The following PHTF2 variants were observed in gnomAD, a reference collection of about 807,000 sequenced individuals.
The protein encoded by PHTF2 is protein PHTF2.
PHTF2 carries 60 observed loss-of-function variants against 101.2 expected under a neutral mutation model. The ratio of observed to expected loss-of-function variants is 0.59; its 90% CI spans 0.48 to 0.73. The LOEUF (loss-of-function observed/expected upper bound fraction) is 0.73. Ranked by LOEUF, PHTF2 falls within the 30% of genes least tolerant of loss-of-function variation. PHTF2 has a pLI of 0.00. For missense variants in PHTF2, 747 were observed against 908.7 expected (o/e 0.82, Z 2.29); for synonymous variants, 311 against 307.3 (o/e 1.01, Z -0.13).
chr7:77,910,705 G>A (rs377247928), intron 9 of PHTF2, among the ~76,000 whole-genome samples: 3 of 151,862 alleles, frequency 2.0e-5, no homozygotes, highest in Admixed American at 6.6e-5. Context: ...GCAGTGGCAC[G>A]ATCTCGGCTC....
intron 11 of PHTF2, among the ~76,000 whole-genome samples, 163 bp from the exon 11 acceptor site, chr7:77,928,946 G>A (rs1476353134): frequency 6.6e-6 from 1 of 152,194 alleles, no homozygotes; most frequent in Non-Finnish European, 1.5e-5. Flanking sequence ...TTTTGTTACT[G>A]AATAAAAGCT....
At position 77,920,796 on chromosome 7, in the gene PHTF2, C is replaced by T. The variant is rs146668605; in HGVS notation, c.963+331C>T. Among the ~76,000 whole-genome samples the T allele has an allele frequency of 7.4e-3, 1,133 of 152,242 alleles. 18 individuals carry two copies. The highest frequency in any genetic ancestry group is 0.026 in the African/African-American group (1,065 of 41,544). ...TCCCAGGCACAAACGATCTTCCCAC[C>T]TCAGCCTCCTGAGTAGCTAGAACTA... On this transcript the variant is annotated intron_variant, in intron 10 of 19. Coordinates refer to ENST00000416283, the Ensembl canonical transcript of PHTF2.
intron 2 of PHTF2, among the ~76,000 whole-genome samples, chr7:77,845,490 A>ATG (rs1214749151): frequency 6.6e-6 from 1 of 152,226 alleles, no homozygotes; most frequent in African/African-American, 2.4e-5. Context: ...GCCTTTAAAT[A>ATG]TGAGCCAGCT....
chr7:77,918,104 A>G (rs912763309), intron 9 of PHTF2, among the ~76,000 whole-genome samples: 9 of 152,196 alleles, frequency 5.9e-5, no homozygotes, highest in African/African-American at 2.2e-4. Flanking sequence ...TTCACGTAGT[A>G]TTTACCCTGC....
At chr7:77,799,596 C>T (rs1792370371) in intron 1 of PHTF2, among the ~76,000 whole-genome samples, 2 of 152,230 alleles carry the variant, frequency 1.3e-5, no homozygotes, top group Admixed American at 1.3e-4. Context: ...TACCGTGCTC[C>T]ATCAGCATGC....
chr7:77,844,335 G>A (rs916602030), intron 2 of PHTF2, among the ~76,000 whole-genome samples: 1 of 152,096 alleles, frequency 6.6e-6, no homozygotes, highest in Non-Finnish European at 1.5e-5. Flanking sequence ...AGAAAATTGT[G>A]ACGTTTTTAT....
rs531721971 is a variant in PHTF2 at position 77,951,950 on chromosome 7, T to C, written c.2211+238T>C. Reference sequence around the variant, plus strand: ...TAATAATAATATGTCTGGAGTATTGTAGAGGTTGGCATCTTTGGAAATGTA... The same window carrying C: ...TAATAATAATATGTCTGGAGTATTGCAGAGGTTGGCATCTTTGGAAATGTA... On this transcript the variant is annotated intron_variant, in intron 18 of 19. Coordinates refer to ENST00000416283, the Ensembl canonical transcript of PHTF2. Among the ~76,000 whole-genome samples the C allele has an allele frequency of 4.6e-5, 7 of 152,202 alleles. No homozygotes were observed. The East Asian group carries it at 1.2e-3, about 25-fold the overall frequency.
intron 3 of PHTF2, among the ~76,000 whole-genome samples, chr7:77,857,082 A>G (rs1797242296): frequency 6.6e-6 from 1 of 152,218 alleles, no homozygotes; most frequent in South Asian, 2.1e-4. Context: ...GGTTAAGGCA[A>G]GGCCAGAGAT....
At position 77,924,843 on chromosome 7, in the gene PHTF2, G is replaced by A. The variant is rs1025797391; in HGVS notation, c.1119+2065G>A. ...CACCAAGGGAACTGGGGATGAGATG[G>A]GGATTTTGTCATTTAATGTGTAGAC... On this transcript the variant is annotated intron_variant, in intron 11 of 19. Transcript: ENST00000416283. 3.3e-5 allele frequency among the ~76,000 whole-genome samples: 5 copies of A among 152,170 alleles called. No homozygotes were observed. In the South Asian group the frequency reaches 1.0e-3, roughly 32 times the overall value.
intron 14 of PHTF2, 85 bp from the exon 14 acceptor site, chr7:77,940,443 A>G (rs1805549748): frequency 5.2e-6 from 7 of 1,337,742 alleles, no homozygotes; most frequent in Non-Finnish European, 7.1e-6. Context: ...CTAACCAAAT[A>G]AAATCTTAAC....
chr7:77,827,658 T>C (rs1240841110), intron 1 of PHTF2, among the ~76,000 whole-genome samples: 1 of 151,180 alleles, frequency 6.6e-6, no homozygotes, highest in Non-Finnish European at 1.5e-5. Flanking sequence ...AGCCTTTTTT[T>C]TTGAGATGGA....
At chr7:77,871,544 G>A (rs879682433) in intron 3 of PHTF2, among the ~76,000 whole-genome samples, 2 of 152,206 alleles carry the variant, frequency 1.3e-5, no homozygotes, top group Non-Finnish European at 2.9e-5. Context: ...TGTATCACTA[G>A]GGGTGATGGT....
chr7:77,954,155 G>A (rs1806781257), intron 19 of PHTF2, among the ~76,000 whole-genome samples: 1 of 151,970 alleles, frequency 6.6e-6, no homozygotes, highest in African/African-American at 2.4e-5. Context: ...TTTATTTTGA[G>A]ATGGAGTCTG....
intron 1 of PHTF2, among the ~76,000 whole-genome samples, chr7:77,816,547 G>C (rs144882726): frequency 6.6e-6 from 1 of 152,298 alleles, no homozygotes; most frequent in Admixed American, 6.5e-5. Flanking sequence ...AATGTATAGT[G>C]ATCAGATCAG....
At chr7:77,820,564 G>T in intron 1 of PHTF2, among the ~76,000 whole-genome samples, 1 of 151,924 alleles carries the variant, frequency 6.6e-6, no homozygotes, top group East Asian at 1.9e-4. Flanking sequence ...GTATATTAGA[G>T]ATAGAGTTTT....
chr7:77,937,850 A>C lies in PHTF2; in HGVS notation c.1467+12A>C. The C allele has an allele frequency of 6.9e-7, 1 of 1,446,404 alleles. No homozygotes were observed. The highest frequency in any genetic ancestry group is 1.4e-5 in the African/African-American group (1 of 69,160). 89.6% of individuals were successfully genotyped at this position (1,446,404 alleles called of 1,614,324 possible). A position where few individuals can be genotyped will look rare whatever the true frequency, so the allele number is the denominator to read the frequency against. ...TGATAATGAACAGAGTGAGTTTTTA[A>C]ATTTTATTCTTGTAGTTCAAGGGTA... On this transcript the variant is annotated intron_variant, in intron 13 of 19. Coordinates refer to ENST00000416283, the Ensembl canonical transcript of PHTF2.
intron 6 of PHTF2, 60 bp downstream of exon 5, chr7:77,900,840 C>A: frequency 2.3e-6 from 2 of 872,814 alleles, no homozygotes; most frequent in South Asian, 2.7e-5. Flanking sequence ...AAACAGAATT[C>A]AAAATAGGTT....
At chr7:77,839,043 C>G (rs998060849) in intron 1 of PHTF2, among the ~76,000 whole-genome samples, 2 of 152,132 alleles carry the variant, frequency 1.3e-5, no homozygotes, top group Non-Finnish European at 2.9e-5. Context: ...CATGCATGCT[C>G]CCAAGAGTGG....
At chr7:77,922,540 G>T (rs1191964203) in intron 10 of PHTF2, 83 bp from the exon 10 acceptor site, 36 of 1,065,388 alleles carry the variant, frequency 3.4e-5, no homozygotes, top group Non-Finnish European at 4.8e-5. Context: ...ATATATGTAT[G>T]TGTAATTTCA....
Sources: allele counts gnomAD v4.1 joint callset (sites outside exome capture counted in the v4.1 genomes callset), GRCh38; gene constraint gnomAD v4.1.1; transcripts MANE v1.5; gene names NCBI Gene and HGNC (gene_info 2026-07-23, HGNC 2026-07-21).